Variants in BIRC6 observed in about 807,000 individuals in gnomAD.
BIRC6 encodes the protein baculoviral IAP repeat containing 6.
Under a neutral mutation model 503.3 loss-of-function variants are expected in BIRC6, and 98 were observed. The observed-to-expected ratio is 0.19, with a 90% CI of 0.17 to 0.23. The LOEUF (loss-of-function observed/expected upper bound fraction) is 0.23, where lower values mean the gene tolerates loss of function less well. Ranked by LOEUF, BIRC6 falls within the 10% of genes least tolerant of loss-of-function variation. The pLI is 1.00. For synonymous variants in BIRC6, 2,240 were observed against 2,078.7 expected, an observed-to-expected ratio of 1.08 and a Z score of -2.11; for missense variants, 5,360 against 5,806.0, an observed-to-expected ratio of 0.92 and a Z score of 2.50.
intron 23 of BIRC6, among the ~76,000 whole-genome samples, chr2:32,457,219 C>CT (rs1011066993): frequency 6.6e-6 from 1 of 152,116 alleles, no homozygotes; most frequent in African/African-American, 2.4e-5. Context: ...TTTAGATATA[C>CT]TTTTTATAAG....
In BIRC6 at chr2:32,357,059, C is replaced by T. The variant is rs935532380; in HGVS notation, c.-103C>T. 9.6e-7 allele frequency: 1 copy of T among 1,039,114 alleles called. No individual in the cohort carries two copies. The highest frequency in any genetic ancestry group is 1.3e-6 in the Non-Finnish European group (1 of 761,412). 64.4% of individuals were successfully genotyped at this position (1,039,114 alleles called of 1,614,324 possible). Reference sequence around the variant, plus strand: ...CTTCTCCCCCTCTCCCGTCAGCCTCCCTCCGAGTTTGGCCCCTCCGGCCGG... The same window carrying T: ...CTTCTCCCCCTCTCCCGTCAGCCTCTCTCCGAGTTTGGCCCCTCCGGCCGG... On this transcript the variant is annotated 5_prime_UTR_variant, in exon 1 of 74. Transcript: ENST00000421745. This position sits in a 1 kb window ranked among gnomAD's most constrained non-coding sequence, Gnocchi z 4.9.
At chr2:32,494,195 A>G (rs1187494952) in intron 45 of BIRC6, among the ~76,000 whole-genome samples, 11 of 151,894 alleles carry the variant, frequency 7.2e-5, no homozygotes, top group Non-Finnish European at 1.5e-4. Context: ...TTTTTATTCT[A>G]TATTTCTTAA....
At chr2:32,530,623 A>T (rs200885405) in intron 60 of BIRC6, among the ~76,000 whole-genome samples, 12 of 152,320 alleles carry the variant, frequency 7.9e-5, no homozygotes, top group African/African-American at 2.9e-4. Flanking sequence ...GTTGTTTCCA[A>T]TTTTTACTCC....
At chr2:32,390,161 A>G (rs527450756) in intron 4 of BIRC6, among the ~76,000 whole-genome samples, 1 of 139,070 alleles carries the variant, frequency 7.2e-6, no homozygotes, top group East Asian at 2.3e-4. Context: ...CACCCAGCCA[A>G]ATTTTCTTTT....
At chr2:32,449,863 A>G (rs1175053780) in intron 22 of BIRC6, among the ~76,000 whole-genome samples, 3 of 152,214 alleles carry the variant, frequency 2.0e-5, no homozygotes, top group South Asian at 4.1e-4. Flanking sequence ...CTGGTCTGTC[A>G]CTTGCTTTTT....
intron 1 of BIRC6, among the ~76,000 whole-genome samples, chr2:32,375,819 C>T (rs527840528): frequency 6.6e-6 from 1 of 150,472 alleles, no homozygotes; most frequent in South Asian, 2.1e-4. Context: ...ACACTTCGAG[C>T]ATCACTAGTG....
intron 1 of BIRC6, among the ~76,000 whole-genome samples, chr2:32,367,960 C>A (rs961391607): frequency 3.9e-5 from 6 of 152,140 alleles, no homozygotes; most frequent in African/African-American, 1.4e-4. Context: ...ATGTCTTCTT[C>A]AAGATTTATT....
intron 21 of BIRC6, among the ~76,000 whole-genome samples, chr2:32,447,631 G>A (rs1415042974): frequency 8.3e-6 from 1 of 120,842 alleles, no homozygotes; most frequent in Non-Finnish European, 1.8e-5. Flanking sequence ...CCTCCCGGAC[G>A]GCGCGGCTGG....
intron 1 of BIRC6, among the ~76,000 whole-genome samples, chr2:32,376,918 T>C (rs1174547552): frequency 6.6e-6 from 1 of 152,222 alleles, no homozygotes; most frequent in African/African-American, 2.4e-5. Context: ...CATACTTACC[T>C]GTTTTTGGGC....
In BIRC6 at chr2:32,515,019, C is replaced by T. The variant is rs1186313160; in HGVS notation, c.10598C>T (p.Pro3533Leu). The stretch of plus-strand genomic sequence containing the variant: ...CTTTTTAATTGGTCCATGTCTCTTC[C>T]CTGCAATATGGTTTTGAAGAAAGCT... ...ELLFNWSMSL[P>L]CNMVLKKAVD... The change falls in exon 55 of 74, where the codon CCC (proline) becomes CTC (leucine). Residue 3533 changes from proline (P) to leucine (L), a missense_variant. Transcript: ENST00000421745. 1 of 1,613,310 alleles carries T rather than the reference C, an allele frequency of 6.2e-7. No individual in the cohort carries two copies. Among genetic ancestry groups the T allele is most frequent in the Admixed American group, 1.7e-5 (1 of 59,962 alleles).
chr2:32,570,647 G>T (rs1477903842), intron 65 of BIRC6, among the ~76,000 whole-genome samples: 2 of 149,304 alleles, frequency 1.3e-5, no homozygotes, highest in African/African-American at 4.9e-5. Context: ...CCACAGACTT[G>T]CACCACAACA....
intron 3 of BIRC6, among the ~76,000 whole-genome samples, chr2:32,386,736 C>G (rs766770151): frequency 3.9e-5 from 6 of 152,086 alleles, no homozygotes; most frequent in Non-Finnish European, 5.9e-5. Context: ...GCACTGTGCC[C>G]AACCTCAAAT....
intron 71 of BIRC6, among the ~76,000 whole-genome samples, chr2:32,606,897 C>A (rs1250213885): frequency 6.6e-6 from 1 of 151,864 alleles, no homozygotes; most frequent in East Asian, 1.9e-4. Context: ...ATCCCAGATT[C>A]TCGGGAGGCT....
intron 40 of BIRC6, among the ~76,000 whole-genome samples, chr2:32,486,942 T>G (rs983601268): frequency 2.6e-5 from 4 of 152,284 alleles, no homozygotes; most frequent in Admixed American, 6.5e-5. Flanking sequence ...GTAACCCTTT[T>G]CTTTGTTAGA....
chr2:32,613,849 T>C (rs2063056251), intron 73 of BIRC6, among the ~76,000 whole-genome samples: 1 of 152,212 alleles, frequency 6.6e-6, no homozygotes, highest in Non-Finnish European at 1.5e-5. Context: ...TCCTGAGCAA[T>C]TGTTTACCTG....
chr2:32,440,078 CAT>C (rs1006757514), intron 16 of BIRC6, among the ~76,000 whole-genome samples: 2 of 152,104 alleles, frequency 1.3e-5, no homozygotes, highest in African/African-American at 4.8e-5. Context: ...GGGGTTTCAC[CAT>C]ATTGGCCAGG....
chr2:32,378,075 A>G (rs1239189429), intron 2 of BIRC6, among the ~76,000 whole-genome samples: 1 of 152,100 alleles, frequency 6.6e-6, no homozygotes, highest in African/African-American at 2.4e-5. Flanking sequence ...TCCAGGGCTA[A>G]GTGTATGGCC....
At position 32,601,856 on chromosome 2, in the gene BIRC6, G is replaced by A. The variant is rs1385484207; in HGVS notation, c.13993-1150G>A. On this transcript the variant is annotated intron_variant, in intron 70 of 73. Coordinates refer to ENST00000421745, the MANE Select transcript of BIRC6 (RefSeq NM_016252.4). ...CTGGGAAGCCTGAATACTCTTTTAG[G>A]GGGTCTGTTTGCGTGAGGCTAGATT... 3.3e-5 allele frequency among the ~76,000 whole-genome samples: 5 copies of A among 152,066 alleles called. No homozygotes were observed. In the East Asian group the frequency reaches 9.6e-4, roughly 29 times the overall value.
intron 10 of BIRC6, among the ~76,000 whole-genome samples, chr2:32,422,442 A>C (rs560259645): frequency 6.6e-6 from 1 of 152,240 alleles, no homozygotes; most frequent in African/African-American, 2.4e-5. Flanking sequence ...AATTTACATA[A>C]CATTAGTGAA....
Sources: gnomAD v4.1 joint callset for allele counts (sites outside exome capture counted in the v4.1 genomes callset) on GRCh38, gnomAD v4.1.1 for gene constraint, Gnocchi (gnomAD v3.1) non-coding constraint, MANE v1.5 for transcripts, NCBI Gene and HGNC (gene_info 2026-07-23, HGNC 2026-07-21) for gene names.